SORCS1: variants seen among roughly 807,000 people sequenced by gnomAD.
SORCS1 encodes sortilin related VPS10 domain containing receptor 1.
Under a neutral mutation model 146.1 loss-of-function variants are expected in SORCS1, and 60 were observed. The observed-to-expected ratio is 0.41, with a 90% CI of 0.33 to 0.51. The LOEUF is 0.51. Ranked by LOEUF, SORCS1 falls within the 20% of genes least tolerant of loss-of-function variation. SORCS1 has a pLI of 0.21. For missense variants in SORCS1, 1,352 were observed against 1,487.6 expected, an observed-to-expected ratio of 0.91 and a Z score of 1.50; for synonymous variants, 637 against 584.0, an observed-to-expected ratio of 1.09 and a Z score of -1.31.
chr10:106,812,689 C>T (rs1947531027), intron 3 of SORCS1, among the ~76,000 whole-genome samples: 1 of 152,004 alleles, frequency 6.6e-6, no homozygotes, highest in Non-Finnish European at 1.5e-5. Context: ...AGAGTAAATG[C>T]AACATACATG....
At chr10:106,593,396 T>C (rs1418629896) in intron 24 of SORCS1, among the ~76,000 whole-genome samples, 1 of 152,222 alleles carries the variant, frequency 6.6e-6, no homozygotes, top group Admixed American at 6.5e-5. Flanking sequence ...GTTGACACGT[T>C]TGTCTTTTGC....
Position 106,711,381 on chromosome 10 carries a change from G to T in SORCS1, c.1025-2040C>A, listed in dbSNP as rs141397966. On this transcript the variant is annotated intron_variant, in intron 6 of 25. Coordinates refer to ENST00000263054, the MANE Select transcript of SORCS1 (RefSeq NM_052918.5). Reference sequence around the variant, plus strand: ...AAATAGAGGTGGGGAATAGTATGTAGAGATAGATAAGCTAGATATAAGGAT... The same window carrying T: ...AAATAGAGGTGGGGAATAGTATGTATAGATAGATAAGCTAGATATAAGGAT... Among the ~76,000 whole-genome samples the T allele has an allele frequency of 3.3e-5, 5 of 152,298 alleles. No homozygotes were observed. The East Asian group carries it at 9.6e-4, about 29-fold the overall frequency.
At chr10:107,069,841 T>A (rs183788373) in intron 1 of SORCS1, among the ~76,000 whole-genome samples, 205 of 152,342 alleles carry the variant, frequency 1.3e-3, no homozygotes, top group African/African-American at 4.7e-3. Context: ...AATTCACATA[T>A]CCTAAATGTT....
intron 18 of SORCS1, among the ~76,000 whole-genome samples, chr10:106,634,295 T>A (rs1453212478): frequency 6.6e-6 from 1 of 152,232 alleles, no homozygotes; most frequent in Admixed American, 6.5e-5. Context: ...CACCTGCGAA[T>A]GATCCTTTTT....
intron 1 of SORCS1, among the ~76,000 whole-genome samples, chr10:107,015,125 G>A (rs932128618): frequency 6.6e-6 from 1 of 152,164 alleles, no homozygotes; most frequent in South Asian, 2.1e-4. Flanking sequence ...AACAGATTAC[G>A]CTTAACCCTA....
intron 4 of SORCS1, among the ~76,000 whole-genome samples, chr10:106,765,565 GT>G (rs1859505668): frequency 6.6e-6 from 1 of 152,124 alleles, no homozygotes; most frequent in Non-Finnish European, 1.5e-5. Flanking sequence ...GGAGCTGCCA[GT>G]TGGGTGGTAG....
intron 6 of SORCS1, among the ~76,000 whole-genome samples, chr10:106,713,563 T>C (rs960528371): frequency 2.0e-4 from 30 of 152,240 alleles, no homozygotes; most frequent in African/African-American, 7.0e-4. Flanking sequence ...AGATGGAATT[T>C]AACATTTGTT....
chr10:106,611,390 A>T (rs1846975211), intron 22 of SORCS1, among the ~76,000 whole-genome samples: 1 of 152,142 alleles, frequency 6.6e-6, no homozygotes, highest in African/African-American at 2.4e-5. Flanking sequence ...GTTACAGTAC[A>T]GAAATTTCTT....
intron 1 of SORCS1, among the ~76,000 whole-genome samples, chr10:107,154,249 C>T (rs911672315): frequency 5.9e-5 from 9 of 151,922 alleles, no homozygotes; most frequent in Non-Finnish European, 1.2e-4. Context: ...GTGATCTGCC[C>T]GCCTCAGCCT....
chr10:106,729,958 A>C, intron 6 of SORCS1, 92 bp downstream of exon 6: 1 of 1,461,666 alleles, frequency 6.8e-7, no homozygotes, highest in Admixed American at 1.7e-5. Context: ...ATTACTCTGC[A>C]TACACCATGA....
chr10:106,766,179 C>T lies in SORCS1; in HGVS notation c.886-4518G>A, dbSNP rs189106877. Reference sequence around the variant, plus strand: ...TCTTTTCAAGGTTGCCTGCCCACTCCTCTTTCCTTCTCTCCTCTTAACATT... The same window carrying T: ...TCTTTTCAAGGTTGCCTGCCCACTCTTCTTTCCTTCTCTCCTCTTAACATT... On this transcript the variant is annotated intron_variant, in intron 4 of 25. Coordinates refer to ENST00000263054, the MANE Select transcript of SORCS1 (RefSeq NM_052918.5). Among the ~76,000 whole-genome samples the T allele has an allele frequency of 2.0e-3, 307 of 152,258 alleles. 5 individuals are homozygous for T. Among genetic ancestry groups the T allele is most frequent in the Admixed American group, 0.018 (275 of 15,290 alleles).
Position 106,699,296 on chromosome 10 carries a change from C to T in SORCS1, c.1331G>A (p.Arg444His), listed in dbSNP as rs941888485. The T allele has an allele frequency of 1.4e-5, 22 of 1,613,820 alleles. No homozygotes were observed. The highest frequency in any genetic ancestry group is 5.0e-5 in the Admixed American group (3 of 59,996). The change falls in exon 9 of 26, where the codon CGT (arginine) becomes CAT (histidine). Residue 444 changes from arginine to histidine, a missense_variant. By Grantham distance (29) the Arg-to-His change is conservative. This residue lies in a region of SORCS1 where 648 missense variants were observed against 793.8 expected (regional missense o/e 0.82). Transcript: ENST00000263054. ...CAAGGCCAGGGTGAAGTAGACACCACGTGTGTCTGAGATGTAGAGGTTGTA... is the reference window on the plus strand; with the variant it reads ...CAAGGCCAGGGTGAAGTAGACACCATGTGTGTCTGAGATGTAGAGGTTGTA... ...DTYNLYISDT[R>H]GVYFTLALEN...
At position 106,763,008 on chromosome 10, in the gene SORCS1, C is replaced by G. The variant is rs139966632; in HGVS notation, c.886-1347G>C. Among the ~76,000 whole-genome samples, 285 of 151,980 alleles carry G rather than the reference C, an allele frequency of 1.9e-3. 2 individuals carry two copies. The highest frequency in any genetic ancestry group is 6.6e-3 in the African/African-American group (273 of 41,440). On this transcript the variant is annotated intron_variant, in intron 4 of 25. Coordinates refer to ENST00000263054, the MANE Select transcript of SORCS1 (RefSeq NM_052918.5). ...CCCTTTGTCTTCTTTTTTTTAAGCC[C>G]GGAGCTCTACTTCTTTCTATAAGTT...
chr10:106,722,338 A>T (rs968347944), intron 6 of SORCS1, among the ~76,000 whole-genome samples: 2 of 152,178 alleles, frequency 1.3e-5, no homozygotes, highest in Non-Finnish European at 2.9e-5. Flanking sequence ...CGCTTACCTT[A>T]TCCAGATTTT....
At chr10:107,138,688 A>G (rs1334994633) in intron 1 of SORCS1, among the ~76,000 whole-genome samples, 1 of 152,340 alleles carries the variant, frequency 6.6e-6, no homozygotes, top group East Asian at 1.9e-4. Flanking sequence ...TTAATTGTTC[A>G]TAAGTGCACT....
rs77423764 is a variant in SORCS1, at chr10:107,132,784, C to T, written c.558+31185G>A. ...TTAACCAGATTCACTAAGATTACCA[C>T]GTTCAACAGCCCCGTTGTTACTCTA... On this transcript the variant is annotated intron_variant, in intron 1 of 25. Coordinates refer to ENST00000263054, the MANE Select transcript of SORCS1 (RefSeq NM_052918.5). Among the ~76,000 whole-genome samples the T allele has an allele frequency of 4.4e-3, 673 of 152,240 alleles. 4 individuals are homozygous for T. Among genetic ancestry groups the T allele is most frequent in the African/African-American group, 0.015 (620 of 41,532 alleles).
intron 16 of SORCS1, among the ~76,000 whole-genome samples, chr10:106,670,623 T>G (rs1450876733): frequency 6.6e-6 from 1 of 152,120 alleles, no homozygotes; most frequent in African/African-American, 2.4e-5. Context: ...GCATAGATGT[T>G]TGTTTGCTCC....
intron 1 of SORCS1, among the ~76,000 whole-genome samples, chr10:107,012,722 G>T (rs558281044): frequency 6.6e-6 from 1 of 152,094 alleles, no homozygotes; most frequent in Non-Finnish European, 1.5e-5. Context: ...TGGTACAGAA[G>T]GACTGTTAAC....
chr10:106,814,398 A>G (rs1242133429), intron 3 of SORCS1, among the ~76,000 whole-genome samples: 1 of 152,214 alleles, frequency 6.6e-6, no homozygotes, highest in Non-Finnish European at 1.5e-5. Flanking sequence ...AACTGGAGCA[A>G]GGTTTGGAAA....
Sources: gnomAD v4.1 joint callset for allele counts (sites outside exome capture counted in the v4.1 genomes callset) on GRCh38, gnomAD v4.1.1 for gene constraint, gnomAD v4.1.1 regional missense constraint, MANE v1.5 for transcripts, NCBI Gene and HGNC (gene_info 2026-07-23, HGNC 2026-07-21) for gene names.